GEM: variants seen among roughly 807,000 people sequenced by gnomAD.
The protein encoded by GEM is GTP-binding protein GEM.
A neutral mutation model predicts 33.0 loss-of-function variants in GEM; 31 were observed. That is an observed-to-expected ratio of 0.94 (90% CI 0.71 to 1.27). GEM has a LOEUF of 1.27. Among genes scored for constraint, GEM ranks in the 50% most tolerant of loss-of-function variants. The pLI, the probability that GEM is intolerant of heterozygous loss-of-function variation, is 0.00. For synonymous variants in GEM, 141 were observed against 143.7 expected (o/e 0.98, Z 0.13); for missense variants, 354 against 390.5 (o/e 0.91, Z 0.79).
At chr8:94,258,857 G>A (rs1808954582) in intron 2 of GEM, among the ~76,000 whole-genome samples, 1 of 152,102 alleles carries the variant, frequency 6.6e-6, no homozygotes, top group Admixed American at 6.6e-5. Context: ...ATCTCCCTGA[G>A]ACTTAGTTTA....
intron 2 of GEM, among the ~76,000 whole-genome samples, chr8:94,257,912 G>C (rs564099874): frequency 1.3e-5 from 2 of 151,770 alleles, no homozygotes; most frequent in East Asian, 3.9e-4. Flanking sequence ...TTCCTCTTGG[G>C]AAACAAAACC....
Position 94,252,054 on chromosome 8 carries a change from C to A in GEM, c.578G>T (p.Ser193Ile), listed in dbSNP as rs1473792037. ...CACTTCTCGGCACCGCACTAAGTCA[C>A]TTTTGTTGCCAACCAAAATTATGGG... ...DIPIILVGNK[S>I]DLVRCREVSV... Residue 193 changes from serine to isoleucine, a missense_variant, in exon 4 of 5, where the codon AGT becomes ATT. Ser to Ile is a moderately radical substitution (Grantham distance 142). Coordinates refer to ENST00000297596, the MANE Select transcript of GEM (RefSeq NM_005261.4). 1.2e-6 allele frequency: 2 copies of A among 1,614,204 alleles called. No homozygotes were observed. Among genetic ancestry groups the A allele is most frequent in the African/African-American group, 1.3e-5 (1 of 75,060 alleles).
intron 2 of GEM, among the ~76,000 whole-genome samples, chr8:94,256,117 C>T (rs1252970592): frequency 1.3e-5 from 2 of 152,156 alleles, no homozygotes; most frequent in Non-Finnish European, 2.9e-5. Context: ...TCACCCACCA[C>T]CTCTGATAGT....
Position 94,250,349 on chromosome 8 carries a change from C to T in GEM, c.852G>A (p.Lys284=). ...VAKNNKNMAF[K]LKSKSCHDLS... is the part of the protein sequence containing the mutation. The stretch of plus-strand genomic sequence containing the variant: ...GGTCATGGCAGGATTTGGACTTGAG[C>T]TTGAAGGCCATATTCTTGTTGTTTT... The change falls in exon 5 of 5, where the codon AAG becomes AAA. Residue 284 remains lysine, a synonymous_variant. Coordinates refer to ENST00000297596, the MANE Select transcript of GEM (RefSeq NM_005261.4). 6.2e-7 allele frequency: 1 copy of T among 1,614,106 alleles called. No individual in the cohort carries two copies. Among genetic ancestry groups the T allele is most frequent in the African/African-American group, 1.3e-5 (1 of 75,034 alleles).
At chr8:94,262,024 C>T (rs1055985769) in intron 1 of GEM, 66 bp downstream of exon 1, 1 of 152,236 alleles carries the variant, frequency 6.6e-6, no homozygotes, top group Admixed American at 6.5e-5. Context: ...ACCCTTCTAC[C>T]GAATTGAACT....
At chr8:94,254,096 T>C (rs555338056) in intron 2 of GEM, among the ~76,000 whole-genome samples, 133 of 152,314 alleles carry the variant, frequency 8.7e-4, no homozygotes, top group Non-Finnish European at 1.5e-3. Context: ...AGGTGCTTCC[T>C]GGCCATCCAT....
Position 94,250,281 on chromosome 8 carries a change from C to CAA in GEM, c.*27_*28dup, listed in dbSNP as rs1808732461. On this transcript the variant is annotated 3_prime_UTR_variant, in exon 5 of 5. Transcript: ENST00000297596. Reference sequence around the variant, plus strand: ...CCCAATGGCCTTCAACAACGGCCATCAAAGGGACATCTGGGTGACCCTGGG... The same window carrying CAA: ...CCCAATGGCCTTCAACAACGGCCATCAAAAAGGGACATCTGGGTGACCCTGGG... The CAA allele has an allele frequency of 7.0e-6, 11 of 1,580,926 alleles. No individual in the cohort carries two copies. Among genetic ancestry groups the CAA allele is most frequent in the Middle Eastern group, 1.7e-4 (1 of 5,910 alleles).
intron 2 of GEM, 124 bp downstream of exon 2, chr8:94,260,049 C>T (rs373475455): frequency 1.4e-5 from 9 of 636,334 alleles, no homozygotes; most frequent in East Asian, 2.6e-5. Context: ...TCAGCTCCCC[C>T]ATCAATTGTC....
intron 2 of GEM, among the ~76,000 whole-genome samples, chr8:94,258,373 C>A (rs1808941632): frequency 6.6e-6 from 1 of 152,192 alleles, no homozygotes; most frequent in Non-Finnish European, 1.5e-5. Context: ...GTTAATGTGA[C>A]CCTGCTCTGC....
chr8:94,251,661 A>G (rs1282374451), intron 4 of GEM, among the ~76,000 whole-genome samples: 1 of 152,212 alleles, frequency 6.6e-6, no homozygotes, highest in East Asian at 1.9e-4. Context: ...AGTCAGCCAG[A>G]GTAGAATTCT....
At chr8:94,259,413 C>T (rs147922518) in intron 2 of GEM, among the ~76,000 whole-genome samples, 16 of 152,284 alleles carry the variant, frequency 1.1e-4, no homozygotes, top group East Asian at 1.9e-4. Flanking sequence ...TGGTCGCATA[C>T]GCTCAGACTG....
At chr8:94,254,114 T>G (rs1211057726) in intron 2 of GEM, among the ~76,000 whole-genome samples, 1 of 152,160 alleles carries the variant, frequency 6.6e-6, no homozygotes, top group Admixed American at 6.5e-5. Context: ...CATTTAAAAT[T>G]GCAACACTTC....
In GEM at chr8:94,250,165, A is replaced by AT; in HGVS notation, c.*144dup. 3.0e-6 allele frequency: 2 copies of AT among 658,808 alleles called. No individual in the cohort carries two copies. Among genetic ancestry groups the AT allele is most frequent in the East Asian group, 5.4e-5 (2 of 36,730 alleles). 40.8% of individuals were successfully genotyped at this position (658,808 alleles called of 1,614,324 possible). A position where few individuals can be genotyped will look rare whatever the true frequency, so the allele number is the denominator to read the frequency against. ...AAAAATCTTTCATTTCCCATGCATC[A>AT]TGTTGCCCACAAGGCTAATACGCTA... On this transcript the variant is annotated 3_prime_UTR_variant, in exon 5 of 5. Coordinates refer to ENST00000297596, the MANE Select transcript of GEM (RefSeq NM_005261.4).
At chr8:94,260,025 G>A (rs1808979938) in intron 2 of GEM, 148 bp downstream of exon 2, 2 of 580,706 alleles carry the variant, frequency 3.4e-6, no homozygotes, top group Non-Finnish European at 6.1e-6. Flanking sequence ...CTGTGCTTGG[G>A]CTTTTCTAGA....
At position 94,260,191 on chromosome 8, in the gene GEM, C is replaced by A. The variant is rs548062745; in HGVS notation, c.313G>T (p.Asp105Tyr). 1.9e-6 allele frequency: 3 copies of A among 1,589,384 alleles called. No homozygotes were observed. Among genetic ancestry groups the A allele is most frequent in the Non-Finnish European group, 1.7e-6 (2 of 1,159,062 alleles). The change falls in exon 2 of 5, where the codon GAC (aspartate) becomes TAC (tyrosine). Residue 105 changes from aspartate (D) to tyrosine (Y), a missense_variant. Coordinates refer to ENST00000297596, the MANE Select transcript of GEM (RefSeq NM_005261.4). The stretch of plus-strand genomic sequence containing the variant: ...CACCTACCTCCCAGCACCTCGCAGT[C>A]GCTGTCCATGCTGTCATGCACACCT... ...FAGVHDSMDS[D>Y]CEVLGEDTYE...
chr8:94,257,259 C>A (rs1808910063), intron 2 of GEM, among the ~76,000 whole-genome samples: 1 of 152,138 alleles, frequency 6.6e-6, no homozygotes, highest in South Asian at 2.1e-4. Flanking sequence ...CGACTCACTG[C>A]AATCTCCACC....
At chr8:94,253,919 T>C (rs559937814) in intron 2 of GEM, among the ~76,000 whole-genome samples, 1 of 152,340 alleles carries the variant, frequency 6.6e-6, no homozygotes, top group East Asian at 1.9e-4. Flanking sequence ...CCCAATACCA[T>C]TGAGCCCATC....
At chr8:94,255,629 GT>G (rs1808875247) in intron 2 of GEM, among the ~76,000 whole-genome samples, 1 of 152,152 alleles carries the variant, frequency 6.6e-6, no homozygotes, top group Non-Finnish European at 1.5e-5. Context: ...TCCTTTTCAA[GT>G]GCTAATCAGG....
chr8:94,260,642 A>G, intron 1 of GEM, 130 bp from the exon 2 acceptor site: 1 of 609,816 alleles, frequency 1.6e-6, no homozygotes. Context: ...CATAAAGACC[A>G]CCAATTAAAC....
Sources: gnomAD v4.1 joint callset for allele counts (sites outside exome capture counted in the v4.1 genomes callset) on GRCh38, gnomAD v4.1.1 for gene constraint, MANE v1.5 for transcripts, NCBI Gene and HGNC (gene_info 2026-07-23, HGNC 2026-07-21) for gene names.